ANKH: variants seen among roughly 807,000 people sequenced by gnomAD.
ANKH encodes the protein mineralization regulator ANKH.
In ANKH, 15 loss-of-function variants were observed where a neutral mutation model predicts 49.0. The ratio of observed to expected loss-of-function variants is 0.31; its 90% confidence interval spans 0.20 to 0.47. The LOEUF (loss-of-function observed/expected upper bound fraction) is 0.47, where lower values mean the gene tolerates loss of function less well. ANKH is among the 20% of genes least tolerant of loss of function. The pLI is 1.00. For missense variants in ANKH, 429 were observed against 652.0 expected, an observed-to-expected ratio of 0.66 and a Z score of 3.72; for synonymous variants, 273 against 260.0, an observed-to-expected ratio of 1.05 and a Z score of -0.48.
intron 1 of ANKH, among the ~76,000 whole-genome samples, chr5:14,837,098 C>T (rs1278658800): frequency 6.6e-6 from 1 of 152,148 alleles, no homozygotes; most frequent in East Asian, 1.9e-4. Flanking sequence ...CCCTTCCTTA[C>T]ACCTTATACA....
chr5:14,862,790 C>T (rs1580124668), intron 1 of ANKH, among the ~76,000 whole-genome samples: 1 of 152,342 alleles, frequency 6.6e-6, no homozygotes, highest in East Asian at 1.9e-4. Flanking sequence ...AGGGCAGGGG[C>T]TGGCTCGAAT....
intron 1 of ANKH, among the ~76,000 whole-genome samples, chr5:14,863,054 G>A (rs1209887707): frequency 1.3e-5 from 2 of 152,134 alleles, no homozygotes; most frequent in Non-Finnish European, 2.9e-5. Flanking sequence ...TGTTTATGGT[G>A]TTTGTGTTAT....
At chr5:14,779,754 T>C (rs1284542700) in intron 1 of ANKH, among the ~76,000 whole-genome samples, 2 of 152,240 alleles carry the variant, frequency 1.3e-5, no homozygotes, top group Non-Finnish European at 2.9e-5. Context: ...TCACTGTACC[T>C]ATTCATGTAG....
intron 3 of ANKH, among the ~76,000 whole-genome samples, chr5:14,756,796 TG>T (rs1738901771): frequency 7.2e-6 from 1 of 138,840 alleles, no homozygotes; most frequent in Non-Finnish European, 1.5e-5. Context: ...GGTGAGGGGG[TG>T]GGGAGGGAGG....
At chr5:14,802,667 G>C (rs547620475) in intron 1 of ANKH, among the ~76,000 whole-genome samples, 1 of 151,762 alleles carries the variant, frequency 6.6e-6, no homozygotes, top group East Asian at 1.9e-4. Flanking sequence ...GCGTCTCCTT[G>C]AGAGCTACAG....
intron 1 of ANKH, among the ~76,000 whole-genome samples, chr5:14,837,627 G>A (rs1167279725): frequency 3.3e-5 from 5 of 152,198 alleles, no homozygotes; most frequent in African/African-American, 4.8e-5. Flanking sequence ...GGAAACAACA[G>A]GTGCTGGAGA....
chr5:14,758,641 G>A, intron 2 of ANKH, 43 bp from the exon 3 acceptor site: 3 of 1,289,250 alleles, frequency 2.3e-6, no homozygotes, highest in Non-Finnish European at 3.4e-6. Context: ...TTTAGAAAAG[G>A]ATATCTTTAT....
chr5:14,714,451 G>A (rs1328789279), intron 9 of ANKH, among the ~76,000 whole-genome samples: 1 of 152,056 alleles, frequency 6.6e-6, no homozygotes, highest in Non-Finnish European at 1.5e-5. Flanking sequence ...GGGCCTTGAA[G>A]AGAGGGCCTG....
intron 1 of ANKH, among the ~76,000 whole-genome samples, chr5:14,819,470 T>C (rs1741135175): frequency 6.6e-6 from 1 of 152,198 alleles, no homozygotes; most frequent in South Asian, 2.1e-4. Context: ...AGTGGTTCGA[T>C]AATGTTACAA....
At position 14,807,511 on chromosome 5, in the gene ANKH, G is replaced by A. The variant is rs1036345489; in HGVS notation, c.97-38320C>T. Among the ~76,000 whole-genome samples, 4 of 152,130 alleles carry A rather than the reference G, an allele frequency of 2.6e-5. No homozygotes were observed. In the South Asian group the frequency reaches 6.2e-4, roughly 24 times the overall value. On this transcript the variant is annotated intron_variant, in intron 1 of 11. Coordinates refer to ENST00000284268, the MANE Select transcript of ANKH (RefSeq NM_054027.6). ...TCTTGAGCATGTCTTCCTAGGTACCGATCCTTAACCTGAACTGCTGTGAGA... is the reference window on the plus strand; with the variant it reads ...TCTTGAGCATGTCTTCCTAGGTACCAATCCTTAACCTGAACTGCTGTGAGA...
Position 14,706,803 on chromosome 5 carries a change from A to C in ANKH, c.*4394T>G, listed in dbSNP as rs1736959325. ...ATAGAGATTCAAAATAACCACACAG[A>C]GGAGTATCCCAGACACGTTGCTCAA... is the stretch of plus-strand genomic sequence containing the variant. On this transcript the variant is annotated 3_prime_UTR_variant, in exon 12 of 12. Coordinates refer to ENST00000284268, the MANE Select transcript of ANKH (RefSeq NM_054027.6). The C allele has an allele frequency of 1.3e-5, 2 of 152,238 alleles. No individual in the cohort carries two copies. Among genetic ancestry groups the C allele is most frequent in the Non-Finnish European group, 2.9e-5 (2 of 68,060 alleles). 9.4% of individuals were successfully genotyped at this position (152,238 alleles called of 1,614,324 possible).
rs60487783 is a variant in ANKH at position 14,843,549 on chromosome 5, G to GAAAAAA, written c.96+27797_96+27802dup. Among the ~76,000 whole-genome samples, 99 of 60,970 alleles carry GAAAAAA rather than the reference G, an allele frequency of 1.6e-3. 2 individuals are homozygous for GAAAAAA. The highest frequency in any genetic ancestry group is 2.5e-3 in the African/African-American group (36 of 14,626). 40.0% of individuals were successfully genotyped at this position (60,970 alleles called of 152,430 possible). On this transcript the variant is annotated intron_variant, in intron 1 of 11. Transcript: ENST00000284268. Reference sequence around the variant, plus strand: ...CCCAAACAACTATCAGGGGATTAGCGAAAAAAAAAAAAAAAAAAAAGAGCC... The same window carrying GAAAAAA: ...CCCAAACAACTATCAGGGGATTAGCGAAAAAAAAAAAAAAAAAAAAAAAAAAGAGCC...
chr5:14,758,724 C>G, intron 2 of ANKH, 126 bp from the exon 3 acceptor site: 1 of 777,486 alleles, frequency 1.3e-6, no homozygotes, highest in Non-Finnish European at 2.2e-6. Context: ...ATTAGATAAG[C>G]AAATAGAAAA....
At chr5:14,719,555 G>A (rs533536489) in intron 8 of ANKH, among the ~76,000 whole-genome samples, 1 of 152,342 alleles carries the variant, frequency 6.6e-6, no homozygotes, top group East Asian at 1.9e-4. Flanking sequence ...TACTTGAAAA[G>A]CGATTTACAC....
chr5:14,807,545 C>A (rs1050479216), intron 1 of ANKH, among the ~76,000 whole-genome samples: 1 of 152,166 alleles, frequency 6.6e-6, no homozygotes. Context: ...GAACGGTAAA[C>A]CTATTAAAAT....
chr5:14,832,517 T>C (rs1443257298), intron 1 of ANKH, among the ~76,000 whole-genome samples: 9 of 152,174 alleles, frequency 5.9e-5, no homozygotes, highest in Admixed American at 3.9e-4. Flanking sequence ...ACAGATTACA[T>C]TCAGTAAGTA....
chr5:14,732,320 C>T (rs79496873), intron 8 of ANKH, among the ~76,000 whole-genome samples: 190 of 151,964 alleles, frequency 1.3e-3, no homozygotes, highest in Non-Finnish European at 2.2e-3. Context: ...AGAGCTTCCC[C>T]GAGGAGAAAA....
At position 14,713,334 on chromosome 5, in the gene ANKH, T is replaced by A; in HGVS notation, c.1265+210A>T. 6.6e-6 allele frequency among the ~76,000 whole-genome samples: 1 copy of A among 152,306 alleles called. No individual in the cohort carries two copies. Among genetic ancestry groups the A allele is most frequent in the South Asian group, 2.1e-4 (1 of 4,824 alleles). ...CCTGACAGGAGCTCAGTGGCTATTA[T>A]TCGTGTCTGGGCCTGATTTCAAAAG... On this transcript the variant is annotated intron_variant, in intron 10 of 11. Transcript: ENST00000284268. This position sits in a 1 kb window ranked among gnomAD's most constrained non-coding sequence, Gnocchi z 4.4.
intron 1 of ANKH, among the ~76,000 whole-genome samples, chr5:14,845,460 G>A (rs997834175): frequency 5.9e-5 from 9 of 152,012 alleles, no homozygotes; most frequent in Admixed American, 2.0e-4. Flanking sequence ...TACATGTCCC[G>A]GAGGAGCTAT....
Sources: gnomAD v4.1 joint callset for allele counts (sites outside exome capture counted in the v4.1 genomes callset) on GRCh38, gnomAD v4.1.1 for gene constraint, Gnocchi (gnomAD v3.1) non-coding constraint, MANE v1.5 for transcripts, NCBI Gene and HGNC (gene_info 2026-07-23, HGNC 2026-07-21) for gene names.